The following NOL4L variants were observed in gnomAD, a reference collection of about 807,000 sequenced individuals.
The protein encoded by NOL4L is nucleolar protein 4 like, also known as nucleolar protein 4-like.
A neutral mutation model predicts 64.5 loss-of-function variants in NOL4L; 7 were observed. That is an observed-to-expected ratio of 0.11 (90% confidence interval 0.06 to 0.20). The LOEUF (loss-of-function observed/expected upper bound fraction) is 0.20. Ranked by LOEUF, NOL4L falls within the 10% of genes least tolerant of loss-of-function variation. The pLI is 1.00. For synonymous variants in NOL4L, 413 were observed against 401.0 expected, an observed-to-expected ratio of 1.03 and a Z score of -0.36; for missense variants, 680 against 967.1, an observed-to-expected ratio of 0.70 and a Z score of 3.94.
intron 4 of NOL4L, among the ~76,000 whole-genome samples, chr20:32,509,067 C>G (rs953934720): frequency 1.3e-5 from 2 of 152,152 alleles, no homozygotes; most frequent in Non-Finnish European, 2.9e-5. Context: ...CTTCCCTGAC[C>G]CCTGCCTCAG....
intron 4 of NOL4L, among the ~76,000 whole-genome samples, chr20:32,489,065 ATTTAGTTT>A (rs918016715): frequency 1.3e-4 from 8 of 62,962 alleles, no homozygotes; most frequent in African/African-American, 5.8e-5. Flanking sequence ...TTGTCTTTTT[ATTTAGTTT>A]ATGACAAGAT....
intron 1 of NOL4L, among the ~76,000 whole-genome samples, chr20:32,560,048 C>T (rs1184999693): frequency 6.6e-6 from 1 of 152,238 alleles, no homozygotes; most frequent in Non-Finnish European, 1.5e-5. Flanking sequence ...TGCTCCAGGG[C>T]ACTCGCAGAG....
At chr20:32,511,499 C>G (rs924492599) in intron 3 of NOL4L, 43 bp from the exon 4 acceptor site, 9 of 1,392,630 alleles carry the variant, frequency 6.5e-6, no homozygotes, top group Non-Finnish European at 8.9e-6. Context: ...GTCTGTGCTG[C>G]GGGCCTGTTG....
At chr20:32,459,835 A>G (rs2013885814) in intron 5 of NOL4L, among the ~76,000 whole-genome samples, 2 of 152,166 alleles carry the variant, frequency 1.3e-5, no homozygotes, top group African/African-American at 2.4e-5. Flanking sequence ...CGCCCAACCC[A>G]TTATTTATAT....
intron 5 of NOL4L, among the ~76,000 whole-genome samples, chr20:32,458,701 G>A (rs1229079231): frequency 6.6e-6 from 1 of 152,228 alleles, no homozygotes; most frequent in Non-Finnish European, 1.5e-5. Context: ...TTCCTCCTCT[G>A]GAATGAGGGG....
rs1003833307 is a variant in NOL4L at position 32,464,373 on chromosome 20, C to T, written c.842-7978G>A. ...CTACCATCCGGGTGATGGGGCCACA[C>T]GGGGCACCTGCATTCTCCACGTGGC... On this transcript the variant is annotated intron_variant, in intron 5 of 10. Transcript: ENST00000621426. This position sits in a 1 kb window ranked among gnomAD's most constrained non-coding sequence, Gnocchi z 5.6. Among the ~76,000 whole-genome samples the T allele has an allele frequency of 5.3e-5, 8 of 152,202 alleles. No individual in the cohort carries two copies. Among genetic ancestry groups the T allele is most frequent in the African/African-American group, 1.7e-4 (7 of 41,458 alleles).
intron 2 of NOL4L, among the ~76,000 whole-genome samples, chr20:32,524,553 AG>A (rs780569927): frequency 3.9e-5 from 6 of 152,170 alleles, no homozygotes; most frequent in Admixed American, 1.3e-4. Context: ...AAAAATCCAG[AG>A]GGGCCCTGTG....
chr20:32,557,365 C>T (rs1600872328), intron 1 of NOL4L, among the ~76,000 whole-genome samples: 1 of 152,240 alleles, frequency 6.6e-6, no homozygotes, highest in African/African-American at 2.4e-5. Context: ...TTCTCAACAT[C>T]TCCTTGGTCC....
At chr20:32,571,427 A>T (rs570186527) in intron 1 of NOL4L, among the ~76,000 whole-genome samples, 2 of 152,234 alleles carry the variant, frequency 1.3e-5, no homozygotes, top group African/African-American at 4.8e-5. Context: ...GGCTGGTCTC[A>T]AACTCTTGAC....
chr20:32,530,398 G>A (rs561221492), intron 1 of NOL4L, among the ~76,000 whole-genome samples: 147 of 152,220 alleles, frequency 9.7e-4, no homozygotes, highest in Admixed American at 1.3e-3. Flanking sequence ...AAAATTAGCC[G>A]GGCATGGTGG....
intron 10 of NOL4L, among the ~76,000 whole-genome samples, chr20:32,449,319 T>C: frequency 6.6e-6 from 1 of 152,222 alleles, no homozygotes; most frequent in East Asian, 1.9e-4. Flanking sequence ...TCACATTCTC[T>C]CATGATTGCA....
chr20:32,536,984 T>G (rs1490284661), intron 1 of NOL4L: 7 of 443,004 alleles, frequency 1.6e-5, no homozygotes, highest in African/African-American at 2.3e-5. Flanking sequence ...CACGCGCACC[T>G]GCTGCGCGCG....
chr20:32,526,916 A>G (rs1331895725), intron 2 of NOL4L, among the ~76,000 whole-genome samples: 20 of 152,140 alleles, frequency 1.3e-4, no homozygotes, highest in Admixed American at 1.3e-3. Flanking sequence ...TCAGCAGGAG[A>G]TGGATCAGAA....
At chr20:32,490,151 A>G (rs1464958677) in intron 4 of NOL4L, among the ~76,000 whole-genome samples, 3 of 135,152 alleles carry the variant, frequency 2.2e-5, no homozygotes, top group Non-Finnish European at 3.2e-5. Context: ...AAAAATATAT[A>G]TACACATATA....
At chr20:32,499,155 G>A (rs889293850) in intron 4 of NOL4L, among the ~76,000 whole-genome samples, 2 of 152,230 alleles carry the variant, frequency 1.3e-5, no homozygotes, top group East Asian at 3.9e-4. Flanking sequence ...GGGATTACAG[G>A]CGTGAGCCAC....
chr20:32,452,661 C>G (rs2013048353), intron 9 of NOL4L, among the ~76,000 whole-genome samples: 2 of 152,210 alleles, frequency 1.3e-5, no homozygotes. Flanking sequence ...TCAGGGCCCT[C>G]TGGTCTCCAG....
rs752895500 is a variant in NOL4L, at chr20:32,474,658, T to C, written c.784A>G (p.Ser262Gly). ...CGCATCCTCTCGTCCTGGCTGGGGC[T>C]CAGGCTGGAGGCCAGGTGCGGGTCA... ...SADPHLASSL[S>G]PSQDERMRSP... The change falls in exon 5 of 11, where the codon AGC becomes GGC. Residue 262 changes from serine (S) to glycine (G), a missense_variant. Transcript: ENST00000621426. 2 of 1,613,816 alleles carry C rather than the reference T, an allele frequency of 1.2e-6. No homozygotes were observed. The highest frequency in any genetic ancestry group is 1.7e-6 in the Non-Finnish European group (2 of 1,179,978).
chr20:32,488,878 TCTTTC>T (rs2016324548), intron 4 of NOL4L, among the ~76,000 whole-genome samples: 2 of 104,594 alleles, frequency 1.9e-5, no homozygotes, highest in Non-Finnish European at 3.6e-5. Flanking sequence ...TTTCTTTCTT[TCTTTC>T]TTTCTTTCTT....
chr20:32,523,078 C>A (rs1488693198), intron 2 of NOL4L, among the ~76,000 whole-genome samples: 1 of 152,188 alleles, frequency 6.6e-6, no homozygotes, highest in African/African-American at 2.4e-5. Flanking sequence ...GCTCCCTCTC[C>A]AGGGGTAGAG....
Sources: gnomAD v4.1 joint callset for allele counts (sites outside exome capture counted in the v4.1 genomes callset) on GRCh38, gnomAD v4.1.1 for gene constraint, Gnocchi (gnomAD v3.1) non-coding constraint, MANE v1.5 for transcripts, NCBI Gene and HGNC (gene_info 2026-07-23, HGNC 2026-07-21) for gene names.